NNT: variants seen among roughly 807,000 people sequenced by gnomAD.
NNT encodes NAD(P) transhydrogenase, mitochondrial.
A neutral mutation model predicts 104.8 loss-of-function variants in NNT; 50 were observed. The observed-to-expected ratio is 0.48, with a 90% confidence interval of 0.38 to 0.60. NNT has a LOEUF of 0.60. Among genes scored for constraint, NNT ranks in the 20% least tolerant of loss-of-function variants. The pLI, the probability that NNT is intolerant of heterozygous loss-of-function variation, is 0.00. For missense variants in NNT, 1,131 were observed against 1,330.7 expected, an observed-to-expected ratio of 0.85 and a Z score of 2.33; for synonymous variants, 461 against 490.4, an observed-to-expected ratio of 0.94 and a Z score of 0.79.
In NNT at chr5:43,671,915, G is replaced by A. The variant is rs529300165; in HGVS notation, c.2635-3596G>A. On this transcript the variant is annotated intron_variant, in intron 17 of 21. Coordinates refer to ENST00000344920, the MANE Select transcript of NNT (RefSeq NM_182977.3). Reference sequence around the variant, plus strand: ...GTTCCATTCTCCTCATCACTTTCAGGTACACCAATGAGACGTAGATTTGGT... The same window carrying A: ...GTTCCATTCTCCTCATCACTTTCAGATACACCAATGAGACGTAGATTTGGT... Among the ~76,000 whole-genome samples, 4 of 152,278 alleles carry A rather than the reference G, an allele frequency of 2.6e-5. No individual in the cohort carries two copies. The East Asian group carries it at 7.7e-4, about 29-fold the overall frequency.
intron 21 of NNT, among the ~76,000 whole-genome samples, chr5:43,703,626 A>G (rs998937546): frequency 6.6e-6 from 1 of 152,174 alleles, no homozygotes; most frequent in East Asian, 1.9e-4. Context: ...AAATGACTTG[A>G]TATTCAGCAG....
Position 43,624,082 on chromosome 5 carries a change from A to G in NNT, c.738A>G (p.Ala246=). The G allele has an allele frequency of 6.2e-7, 1 of 1,614,232 alleles. No homozygotes were observed. Among genetic ancestry groups the G allele is most frequent in the Non-Finnish European group, 8.5e-7 (1 of 1,180,036 alleles). The change falls in exon 6 of 22, where the codon GCA becomes GCG. Residue 246 remains alanine, a synonymous_variant. Coordinates refer to ENST00000344920, the MANE Select transcript of NNT (RefSeq NM_182977.3). ...CTGGGCTTGCTTCTGCAGGCGCAGC[A>G]AAGTCGATGGGTGCAATTGTTCGAG... ...GVAGLASAGA[A]KSMGAIVRGF...
intron 4 of NNT, among the ~76,000 whole-genome samples, chr5:43,617,793 A>G (rs982592694): frequency 6.6e-6 from 1 of 152,160 alleles, no homozygotes; most frequent in Admixed American, 6.5e-5. Context: ...AATCTTTGTC[A>G]TATTTGCCCA....
At chr5:43,627,122 C>T (rs923441124) in intron 6 of NNT, among the ~76,000 whole-genome samples, 1 of 152,202 alleles carries the variant, frequency 6.6e-6, no homozygotes, top group African/African-American at 2.4e-5. Context: ...TCTGTCACTC[C>T]TCTCTGCTGT....
chr5:43,623,734 T>C (rs1203979183), intron 5 of NNT, among the ~76,000 whole-genome samples: 1 of 152,236 alleles, frequency 6.6e-6, no homozygotes, highest in Non-Finnish European at 1.5e-5. Flanking sequence ...ACATACGTAA[T>C]GCTGATCATG....
At chr5:43,664,859 A>C (rs1246223512) in intron 17 of NNT, among the ~76,000 whole-genome samples, 1 of 152,228 alleles carries the variant, frequency 6.6e-6, no homozygotes, top group Admixed American at 6.5e-5. Context: ...AAGAGACCAC[A>C]TGGAATTGTT....
Position 43,643,125 on chromosome 5 carries a change from A to G in NNT, c.965-1067A>G, listed in dbSNP as rs536123320. On this transcript the variant is annotated intron_variant, in intron 7 of 21. Transcript: ENST00000344920. The stretch of plus-strand genomic sequence containing the variant: ...ATTTTTGTAGAGATGGGGTCTTGCT[A>G]TGTGCTGGTTTGGAACTCCTGGGCT... 7.9e-5 allele frequency among the ~76,000 whole-genome samples: 12 copies of G among 151,920 alleles called. No individual in the cohort carries two copies. In the East Asian group the frequency reaches 2.3e-3, roughly 29 times the overall value.
chr5:43,691,329 C>T (rs1006247404), intron 19 of NNT, among the ~76,000 whole-genome samples: 12 of 152,172 alleles, frequency 7.9e-5, no homozygotes, highest in African/African-American at 2.7e-4. Flanking sequence ...GTCTTGAACT[C>T]CTGACCTCAG....
chr5:43,627,952 G>T (rs376859382), intron 6 of NNT, among the ~76,000 whole-genome samples: 416 of 152,094 alleles, frequency 2.7e-3, no homozygotes, highest in Non-Finnish European at 4.5e-3. Flanking sequence ...TTGTGAAATC[G>T]CTTTTGCAAC....
chr5:43,649,577 CTTT>C (rs35437854), intron 11 of NNT, among the ~76,000 whole-genome samples: 1 of 140,610 alleles, frequency 7.1e-6, no homozygotes, highest in Non-Finnish European at 1.6e-5. Context: ...AAGTTTGATC[CTTT>C]TTTTTTTTTT....
At chr5:43,632,381 A>C (rs1055890322) in intron 7 of NNT, among the ~76,000 whole-genome samples, 3 of 152,236 alleles carry the variant, frequency 2.0e-5, no homozygotes, top group Non-Finnish European at 4.4e-5. Context: ...TGAGAGGCAG[A>C]CACAGGTAAG....
chr5:43,653,313 G>A (rs1359015575), intron 14 of NNT, 100 bp downstream of exon 14: 1 of 1,119,468 alleles, frequency 8.9e-7, no homozygotes, highest in African/African-American at 1.6e-5. Flanking sequence ...GTTCATGGAA[G>A]TTGCTTCAGT....
At chr5:43,698,798 CTA>C (rs1469565933) in intron 19 of NNT, among the ~76,000 whole-genome samples, 4 of 151,376 alleles carry the variant, frequency 2.6e-5, no homozygotes, top group African/African-American at 9.7e-5. Flanking sequence ...GAATATATTA[CTA>C]TATGAATATA....
rs371279918 is a variant in NNT at position 43,660,772 on chromosome 5, C to T, written c.2634+1422C>T. Among the ~76,000 whole-genome samples, 4 of 152,208 alleles carry T rather than the reference C, an allele frequency of 2.6e-5. 1 individual carries two copies. Among genetic ancestry groups the T allele is most frequent in the Admixed American group, 1.3e-4 (2 of 15,282 alleles). On this transcript the variant is annotated intron_variant, in intron 17 of 21. Transcript: ENST00000344920. ...CACACACTTTTAAAGCACCAGATCT[C>T]GTGAGAACTCACTAGCATAAGAACA...
intron 1 of NNT, among the ~76,000 whole-genome samples, chr5:43,608,549 A>T (rs1017416557): frequency 2.6e-5 from 4 of 152,230 alleles, no homozygotes; most frequent in African/African-American, 9.6e-5. Context: ...ATGCATGTTT[A>T]ATTTTCTTGA....
intron 17 of NNT, among the ~76,000 whole-genome samples, chr5:43,664,481 A>G (rs1580069009): frequency 6.6e-6 from 1 of 152,196 alleles, no homozygotes; most frequent in African/African-American, 2.4e-5. Context: ...TAAATGGTAT[A>G]TATGTTATTA....
intron 17 of NNT, among the ~76,000 whole-genome samples, chr5:43,673,186 G>C (rs900436470): frequency 6.6e-6 from 1 of 152,176 alleles, no homozygotes; most frequent in Admixed American, 6.5e-5. Context: ...CTCCATCACC[G>C]CTTCCCTTGG....
Position 43,644,680 on chromosome 5 carries a change from A to G in NNT, c.1168A>G (p.Asn390Asp). ...CACTCAGGCCAGCACCCTATATTCCAACAACATCACCAAACTCCTGAAGGC... is the reference window on the plus strand; with the variant it reads ...CACTCAGGCCAGCACCCTATATTCCGACAACATCACCAAACTCCTGAAGGC... ...MATQASTLYSNNITKLLKAIS... is the reference protein window; with the variant it reads ...MATQASTLYSDNITKLLKAIS... Residue 390 changes from asparagine (N) to aspartate (D), a missense_variant, in exon 9 of 22, where the codon AAC becomes GAC. Asn to Asp is a conservative substitution (Grantham distance 23, BLOSUM62 1). Coordinates refer to ENST00000344920, the MANE Select transcript of NNT (RefSeq NM_182977.3). 1 of 1,614,192 alleles carries G rather than the reference A, an allele frequency of 6.2e-7. No individual in the cohort carries two copies. Among genetic ancestry groups the G allele is most frequent in the Non-Finnish European group, 8.5e-7 (1 of 1,180,028 alleles).
At chr5:43,666,264 C>A (rs916767332) in intron 17 of NNT, among the ~76,000 whole-genome samples, 2 of 151,916 alleles carry the variant, frequency 1.3e-5, no homozygotes, top group Non-Finnish European at 2.9e-5. Flanking sequence ...GAGGTTGTAG[C>A]CAGCCGAGAG....
Sources: allele counts gnomAD v4.1 joint callset (sites outside exome capture counted in the v4.1 genomes callset), GRCh38; gene constraint gnomAD v4.1.1; transcripts MANE v1.5; gene names NCBI Gene and HGNC (gene_info 2026-07-23, HGNC 2026-07-21).